The following SLC4A10 variants were observed in gnomAD, a reference collection of about 807,000 sequenced individuals.
The protein encoded by SLC4A10 is solute carrier family 4 member 10.
Under a neutral mutation model 137.7 loss-of-function variants are expected in SLC4A10, and 42 were observed. The observed-to-expected ratio is 0.30, with a 90% CI of 0.24 to 0.39. The LOEUF (loss-of-function observed/expected upper bound fraction) is 0.39. Ranked by LOEUF, SLC4A10 falls within the 10% of genes least tolerant of loss-of-function variation. SLC4A10 has a pLI of 1.00. For synonymous variants in SLC4A10, 474 were observed against 464.1 expected (o/e 1.02, Z -0.27); for missense variants, 925 against 1,355.0 (o/e 0.68, Z 4.98).
intron 1 of SLC4A10, among the ~76,000 whole-genome samples, chr2:161,690,926 A>G (rs182240775): frequency 6.6e-6 from 1 of 152,234 alleles, no homozygotes; most frequent in Admixed American, 6.5e-5. Context: ...TGTCCTGTAC[A>G]TGTATCCCAG....
chr2:161,930,169 A>C lies in SLC4A10; in HGVS notation c.1998-12623A>C, dbSNP rs554931177. ...AAATAAGGTAATATTAAGTAAGAGA[A>C]GCTTCGTTTGTTTAACCTACCTCCC... On this transcript the variant is annotated intron_variant, in intron 15 of 26. Coordinates refer to ENST00000446997, the MANE Select transcript of SLC4A10 (RefSeq NM_001178015.2). 2.6e-5 allele frequency among the ~76,000 whole-genome samples: 4 copies of C among 152,300 alleles called. No homozygotes were observed. In the South Asian group the frequency reaches 8.3e-4, roughly 32 times the overall value.
intron 21 of SLC4A10, among the ~76,000 whole-genome samples, chr2:161,961,639 T>A (rs971783845): frequency 1.1e-4 from 16 of 150,518 alleles, no homozygotes; most frequent in Non-Finnish European, 1.9e-4. Context: ...CAGGCTCACA[T>A]AAATACAGCA....
At chr2:161,855,642 G>A (rs2060057097) in intron 5 of SLC4A10, among the ~76,000 whole-genome samples, 1 of 151,992 alleles carries the variant, frequency 6.6e-6, no homozygotes, top group African/African-American at 2.4e-5. Flanking sequence ...ACTGATGAAT[G>A]ATTAGTATTA....
At chr2:161,735,936 G>T (rs1275380120) in intron 1 of SLC4A10, among the ~76,000 whole-genome samples, 1 of 152,130 alleles carries the variant, frequency 6.6e-6, no homozygotes, top group Non-Finnish European at 1.5e-5. Context: ...GTATAAAATT[G>T]TCTGACCAGT....
chr2:161,763,824 A>G (rs1008809859), intron 1 of SLC4A10, among the ~76,000 whole-genome samples: 4 of 152,130 alleles, frequency 2.6e-5, no homozygotes, highest in Non-Finnish European at 4.4e-5. Flanking sequence ...ATAAGGGTTA[A>G]TAGAGGATAT....
intron 23 of SLC4A10, among the ~76,000 whole-genome samples, chr2:161,973,016 G>C (rs931398249): frequency 3.3e-5 from 5 of 152,190 alleles, no homozygotes; most frequent in Non-Finnish European, 7.4e-5. Flanking sequence ...AAGGACACTA[G>C]GAAAAGTCTT....
At chr2:161,645,946 G>T (rs1409307107) in intron 1 of SLC4A10, among the ~76,000 whole-genome samples, 1 of 151,902 alleles carries the variant, frequency 6.6e-6, no homozygotes, top group African/African-American at 2.4e-5. Flanking sequence ...AGTCTAAAAA[G>T]GTGATCATAT....
intron 16 of SLC4A10, among the ~76,000 whole-genome samples, chr2:161,946,235 A>C (rs1206672375): frequency 1.3e-5 from 2 of 152,050 alleles, no homozygotes; most frequent in South Asian, 2.1e-4. Context: ...TTGCAGTTAA[A>C]TTAGAAAAGG....
chr2:161,884,382 C>T (rs1360830102), intron 10 of SLC4A10, among the ~76,000 whole-genome samples: 1 of 152,098 alleles, frequency 6.6e-6, no homozygotes, highest in African/African-American at 2.4e-5. Context: ...CTCTACTTCC[C>T]CAATTGGGAA....
intron 26 of SLC4A10, 126 bp downstream of exon 26, chr2:161,977,886 T>C (rs1699638119): frequency 1.4e-6 from 1 of 739,784 alleles, no homozygotes; most frequent in South Asian, 3.2e-5. Context: ...ATGGAGAGTG[T>C]TGGGCTCAGA....
At chr2:161,961,875 T>C (rs1696787390) in intron 21 of SLC4A10, among the ~76,000 whole-genome samples, 1 of 152,158 alleles carries the variant, frequency 6.6e-6, no homozygotes, top group Non-Finnish European at 1.5e-5. Context: ...GAAACATCAA[T>C]CTGGGGCACA....
At chr2:161,691,969 T>A (rs187471500) in intron 1 of SLC4A10, among the ~76,000 whole-genome samples, 6 of 152,100 alleles carry the variant, frequency 3.9e-5, no homozygotes, top group African/African-American at 1.4e-4. Flanking sequence ...AAGGTGTCCA[T>A]GTGAAGTAGT....
At chr2:161,649,126 T>C (rs1006052733) in intron 1 of SLC4A10, among the ~76,000 whole-genome samples, 1 of 152,182 alleles carries the variant, frequency 6.6e-6, no homozygotes, top group African/African-American at 2.4e-5. Context: ...CCCAGCACTT[T>C]GGAGGCCGAG....
Position 161,904,131 on chromosome 2 carries a change from G to C in SLC4A10, c.1570G>C (p.Val524Leu). 1 of 1,611,704 alleles carries C rather than the reference G, an allele frequency of 6.2e-7. No individual in the cohort carries two copies. The highest frequency in any genetic ancestry group is 8.5e-7 in the Non-Finnish European group (1 of 1,178,876). ...LFLYCACMSP[V>L]ITFGGLLGEA... The stretch of plus-strand genomic sequence containing the variant: ...TCTCTACTGCGCGTGTATGTCTCCT[G>C]TCATCACGTTTGGAGGACTGCTGGG... The change falls in exon 13 of 27, where the codon GTC (valine) becomes CTC (leucine). Residue 524 changes from valine to leucine, a missense_variant. Transcript: ENST00000446997.
chr2:161,949,402 A>G (rs1694394914), intron 18 of SLC4A10, 141 bp downstream of exon 18: 1 of 446,544 alleles, frequency 2.2e-6, no homozygotes, highest in Non-Finnish European at 4.0e-6. Context: ...TGCACACAGC[A>G]TGGCTAAAAT....
intron 15 of SLC4A10, among the ~76,000 whole-genome samples, chr2:161,923,340 G>A: frequency 6.6e-6 from 1 of 152,132 alleles, no homozygotes; most frequent in East Asian, 1.9e-4. Flanking sequence ...ATGTAGAGAA[G>A]TGCAGATACA....
chr2:161,759,671 G>T (rs530369567), intron 1 of SLC4A10, among the ~76,000 whole-genome samples: 3 of 151,794 alleles, frequency 2.0e-5, no homozygotes, highest in African/African-American at 7.2e-5. Flanking sequence ...GTTTACTCAG[G>T]TCCTATGCTC....
rs540699980 is a variant in SLC4A10 at position 161,813,066 on chromosome 2, G to A, written c.277+8471G>A. Among the ~76,000 whole-genome samples, 6 of 151,542 alleles carry A rather than the reference G, an allele frequency of 4.0e-5. No individual in the cohort carries two copies. In the East Asian group the frequency reaches 9.7e-4, roughly 25 times the overall value. On this transcript the variant is annotated intron_variant, in intron 3 of 26. Transcript: ENST00000446997. ...AATACTTTTTATTTTTTTCTGGTTG[G>A]TAGAGTGTATCCCCAGTGATTTCTG...
chr2:161,771,712 T>G (rs1312002482), intron 2 of SLC4A10, among the ~76,000 whole-genome samples: 1 of 151,904 alleles, frequency 6.6e-6, no homozygotes, highest in East Asian at 1.9e-4. Context: ...GAAAATTACT[T>G]AGAATAGTAC....
Sources: gnomAD v4.1 joint callset for allele counts (sites outside exome capture counted in the v4.1 genomes callset) on GRCh38, gnomAD v4.1.1 for gene constraint, MANE v1.5 for transcripts, NCBI Gene and HGNC (gene_info 2026-07-23, HGNC 2026-07-21) for gene names.